CNTNAP2: variants seen among roughly 807,000 people sequenced by gnomAD.
The protein encoded by CNTNAP2 is contactin-associated protein-like 2.
Under a neutral mutation model 155.2 loss-of-function variants are expected in CNTNAP2, and 98 were observed. That is an observed-to-expected ratio of 0.63 (90% CI 0.54 to 0.75). The LOEUF (loss-of-function observed/expected upper bound fraction) is 0.75. Ranked by LOEUF, CNTNAP2 falls within the 30% of genes least tolerant of loss-of-function variation. The pLI, the probability that CNTNAP2 is intolerant of heterozygous loss-of-function variation, is 0.00. For synonymous variants in CNTNAP2, 651 were observed against 631.2 expected (o/e 1.03, Z -0.47); for missense variants, 1,727 against 1,688.1 (o/e 1.02, Z -0.40).
At chr7:147,205,469 T>C (rs1466704485) in intron 8 of CNTNAP2, among the ~76,000 whole-genome samples, 1 of 152,164 alleles carries the variant, frequency 6.6e-6, no homozygotes, top group Admixed American at 6.5e-5. Flanking sequence ...TTTAACAATT[T>C]GATTCTTTCA....
intron 4 of CNTNAP2, among the ~76,000 whole-genome samples, chr7:147,060,933 T>C (rs550719734): frequency 6.6e-6 from 1 of 152,196 alleles, no homozygotes; most frequent in Non-Finnish European, 1.5e-5. Flanking sequence ...ATCATATTTC[T>C]GAGATGTAGT....
intron 11 of CNTNAP2, among the ~76,000 whole-genome samples, chr7:147,546,273 C>T (rs1799729100): frequency 6.6e-6 from 1 of 151,824 alleles, no homozygotes; most frequent in Admixed American, 6.6e-5. Flanking sequence ...TGTGCAATTG[C>T]ATATTTATGT....
At chr7:148,091,821 GAGA>G (rs1345819003) in intron 15 of CNTNAP2, among the ~76,000 whole-genome samples, 1 of 152,158 alleles carries the variant, frequency 6.6e-6, no homozygotes, top group Non-Finnish European at 1.5e-5. Flanking sequence ...AGTGTAGTGG[GAGA>G]AGGAGGAAAA....
intron 1 of CNTNAP2, among the ~76,000 whole-genome samples, chr7:146,449,006 T>C (rs1796441354): frequency 1.3e-5 from 2 of 152,104 alleles, no homozygotes; most frequent in South Asian, 4.1e-4. Flanking sequence ...GCTCTGTTCA[T>C]TCTTATTTTC....
At chr7:148,153,294 A>C (rs1326197091) in intron 17 of CNTNAP2, among the ~76,000 whole-genome samples, 1 of 151,792 alleles carries the variant, frequency 6.6e-6, no homozygotes, top group Non-Finnish European at 1.5e-5. Context: ...TCTAAAATAT[A>C]ATTAGAAGCT....
At chr7:147,296,190 AGATCC>A (rs1294587122) in intron 8 of CNTNAP2, among the ~76,000 whole-genome samples, 2 of 152,184 alleles carry the variant, frequency 1.3e-5, no homozygotes, top group African/African-American at 4.8e-5. Flanking sequence ...GATATCTTTG[AGATCC>A]ATGTCCTAAA....
At chr7:146,524,368 A>T (rs1797657692) in intron 1 of CNTNAP2, among the ~76,000 whole-genome samples, 2 of 151,892 alleles carry the variant, frequency 1.3e-5, no homozygotes, top group African/African-American at 4.8e-5. Context: ...AATCATAATG[A>T]CCATATTTCA....
At chr7:146,676,316 A>C (rs1800397241) in intron 1 of CNTNAP2, among the ~76,000 whole-genome samples, 1 of 152,156 alleles carries the variant, frequency 6.6e-6, no homozygotes, top group Admixed American at 6.6e-5. Context: ...TTGTTGACCT[A>C]AAAAGAAGAA....
intron 5 of CNTNAP2, among the ~76,000 whole-genome samples, chr7:147,112,766 G>C (rs1800907084): frequency 6.6e-6 from 1 of 152,110 alleles, no homozygotes; most frequent in Non-Finnish European, 1.5e-5. Flanking sequence ...GCTGGATTCA[G>C]TTTGCCATAA....
intron 21 of CNTNAP2, among the ~76,000 whole-genome samples, 192 bp downstream of exon 21, chr7:148,267,318 A>G (rs1047638325): frequency 6.6e-6 from 1 of 151,988 alleles, no homozygotes; most frequent in Non-Finnish European, 1.5e-5. Flanking sequence ...TTTGGGGGAA[A>G]TTGCTCATGT....
chr7:148,177,800 C>A (rs1278550373), intron 18 of CNTNAP2, among the ~76,000 whole-genome samples: 1 of 151,660 alleles, frequency 6.6e-6, no homozygotes, highest in Non-Finnish European at 1.5e-5. Flanking sequence ...AGTCTTAAAG[C>A]TTTTTGATTA....
intron 13 of CNTNAP2, among the ~76,000 whole-genome samples, chr7:147,713,752 G>C (rs546563052): frequency 2.0e-5 from 3 of 152,250 alleles, no homozygotes; most frequent in East Asian, 3.9e-4. Flanking sequence ...TTTGTTTTTA[G>C]ACCAGCAATG....
At chr7:147,590,085 A>G (rs918294842) in intron 12 of CNTNAP2, among the ~76,000 whole-genome samples, 1 of 152,208 alleles carries the variant, frequency 6.6e-6, no homozygotes, top group African/African-American at 2.4e-5. Flanking sequence ...TCACAGTATA[A>G]AATATTGTTC....
intron 8 of CNTNAP2, among the ~76,000 whole-genome samples, chr7:147,266,920 A>G (rs1804625044): frequency 6.6e-6 from 1 of 152,200 alleles, no homozygotes; most frequent in Admixed American, 6.5e-5. Context: ...CTGTTTAGCA[A>G]TCTAGGATAG....
At chr7:146,233,673 T>G (rs879242542) in intron 1 of CNTNAP2, among the ~76,000 whole-genome samples, 4 of 151,958 alleles carry the variant, frequency 2.6e-5, no homozygotes, top group Non-Finnish European at 5.9e-5. Context: ...TGTCCATGTG[T>G]TCTCATTGTT....
At chr7:146,328,453 A>G (rs1460773079) in intron 1 of CNTNAP2, among the ~76,000 whole-genome samples, 1 of 152,078 alleles carries the variant, frequency 6.6e-6, no homozygotes, top group Non-Finnish European at 1.5e-5. Context: ...ATATTGATAA[A>G]TTTGTACATT....
At chr7:147,826,535 A>G (rs186589131) in intron 13 of CNTNAP2, among the ~76,000 whole-genome samples, 1 of 152,348 alleles carries the variant, frequency 6.6e-6, no homozygotes, top group Non-Finnish European at 1.5e-5. Flanking sequence ...GCCATAGCAC[A>G]TGCTATATAT....
chr7:146,909,106 G>C (rs968579636), intron 3 of CNTNAP2, among the ~76,000 whole-genome samples: 8 of 152,144 alleles, frequency 5.3e-5, no homozygotes, highest in Non-Finnish European at 1.2e-4. Context: ...AAACCAGGAA[G>C]AAGTTGAATC....
chr7:146,334,543 A>G (rs1312681072), intron 1 of CNTNAP2, among the ~76,000 whole-genome samples: 1 of 151,940 alleles, frequency 6.6e-6, no homozygotes, highest in Non-Finnish European at 1.5e-5. Flanking sequence ...CTTTCATGGC[A>G]CCTGAGAGTT....
Sources: allele counts gnomAD v4.1 joint callset (sites outside exome capture counted in the v4.1 genomes callset), GRCh38; gene constraint gnomAD v4.1.1; transcripts MANE v1.5; gene names NCBI Gene and HGNC (gene_info 2026-07-23, HGNC 2026-07-21).